Variants in SLC25A18 observed in about 807,000 individuals in gnomAD.
SLC25A18 encodes mitochondrial glutamate carrier 2.
SLC25A18 carries 24 observed loss-of-function variants against 31.1 expected under a neutral mutation model. The observed-to-expected ratio is 0.77, with a 90% confidence interval of 0.56 to 1.08. The LOEUF (loss-of-function observed/expected upper bound fraction) is 1.08. Ranked by LOEUF, SLC25A18 falls within the 50% of genes least tolerant of loss-of-function variation. SLC25A18 has a pLI of 0.00. For missense variants in SLC25A18, 371 were observed against 418.5 expected (o/e 0.89, Z 0.99); for synonymous variants, 173 against 161.9 (o/e 1.07, Z -0.52).
In SLC25A18 at chr22:17,588,038, T is replaced by C; in HGVS notation, c.689T>C (p.Val230Ala). The C allele has an allele frequency of 6.2e-7, 1 of 1,614,204 alleles. No individual in the cohort carries two copies. The change falls in exon 9 of 11, where the codon GTG (valine) becomes GCG (alanine). Residue 230 changes from valine (V) to alanine (A), a missense_variant. Coordinates refer to ENST00000327451, the MANE Select transcript of SLC25A18 (RefSeq NM_031481.3). The stretch of plus-strand genomic sequence containing the variant: ...GCACATTCCTTCGTGTCAGGCTGTG[T>C]GGCAGGTTCCATAGCTGCGGTCGCA... ...SFAHSFVSGC[V>A]AGSIAAVAVT...
At chr22:17,564,095 C>A (rs1324954064) in intron 1 of SLC25A18, among the ~76,000 whole-genome samples, 2 of 152,164 alleles carry the variant, frequency 1.3e-5, no homozygotes, top group Admixed American at 1.3e-4. Flanking sequence ...TTTGCCCTGG[C>A]TCCACTCTAA....
intron 2 of SLC25A18, among the ~76,000 whole-genome samples, chr22:17,574,510 CT>C (rs57351438): frequency 5.2e-4 from 74 of 141,898 alleles, no homozygotes; most frequent in Non-Finnish European, 5.8e-4. Context: ...CTTCCTTATT[CT>C]TTTTTTTTTT....
At chr22:17,569,530 TG>T in intron 1 of SLC25A18, 1 of 816,000 alleles carries the variant, frequency 1.2e-6, no homozygotes, top group Non-Finnish European at 1.5e-6. Context: ...GATTTGCTTC[TG>T]GCACCAAATG....
At chr22:17,581,013 C>T (rs1447176440) in intron 3 of SLC25A18, 24 bp from the exon 4 acceptor site, 3 of 1,532,020 alleles carry the variant, frequency 2.0e-6, no homozygotes, top group Non-Finnish European at 1.8e-6. Flanking sequence ...CCTCTCTCCT[C>T]CCCCTGTCCT....
intron 2 of SLC25A18, among the ~76,000 whole-genome samples, chr22:17,574,386 C>T (rs1179021293): frequency 2.0e-5 from 3 of 152,248 alleles, no homozygotes; most frequent in Non-Finnish European, 4.4e-5. Context: ...AGGCTCCCCA[C>T]GTGTGGCCTA....
At chr22:17,589,761 G>C in intron 10 of SLC25A18, 96 bp downstream of exon 10, 1 of 1,181,752 alleles carries the variant, frequency 8.5e-7, no homozygotes, top group Non-Finnish European at 1.2e-6. Context: ...GAATTGCTGG[G>C]CTCTGGGTTT....
chr22:17,581,494 C>A, intron 5 of SLC25A18, 81 bp downstream of exon 5: 1 of 1,512,230 alleles, frequency 6.6e-7, no homozygotes, highest in Non-Finnish European at 9.1e-7. Flanking sequence ...CCTTCCGTTG[C>A]TGCGGGGATG....
chr22:17,563,932 A>G (rs530229120), intron 1 of SLC25A18, among the ~76,000 whole-genome samples: 1 of 152,310 alleles, frequency 6.6e-6, no homozygotes, highest in African/African-American at 2.4e-5. Flanking sequence ...CCTCCCTGCC[A>G]TGCAATCGTA....
intron 7 of SLC25A18, among the ~76,000 whole-genome samples, chr22:17,584,356 G>A (rs1477714643): frequency 6.7e-6 from 1 of 148,980 alleles, no homozygotes; most frequent in African/African-American, 2.5e-5. Flanking sequence ...TTGCGCCACT[G>A]CACTCCAGCC....
At chr22:17,572,637 ATTTTTTTTTTTT>A (rs1274237439) in intron 2 of SLC25A18, among the ~76,000 whole-genome samples, 1 of 108,798 alleles carries the variant, frequency 9.2e-6, no homozygotes, top group Non-Finnish European at 1.8e-5. Flanking sequence ...CTACAAATAA[ATTTTTTTTTTTT>A]TTTTTTTTTT....
In SLC25A18 at chr22:17,579,824, T is replaced by C; in HGVS notation, c.-121T>C. The stretch of plus-strand genomic sequence containing the variant: ...CAGGCTGCACTCAAAACCCGTGCTC[T>C]GTCCACACTGCTACGGGGCCAGAGC... On this transcript the variant is annotated 5_prime_UTR_variant, in exon 3 of 11. Coordinates refer to ENST00000327451, the MANE Select transcript of SLC25A18 (RefSeq NM_031481.3). 1 of 1,473,068 alleles carries C rather than the reference T, an allele frequency of 6.8e-7. No individual in the cohort carries two copies. The highest frequency in any genetic ancestry group is 9.0e-7 in the Non-Finnish European group (1 of 1,106,540). The allele number at this position is 1,473,068 out of a possible 1,614,324, so 91.2% of individuals were successfully genotyped here. A position where few individuals can be genotyped will look rare whatever the true frequency, so the allele number is the denominator to read the frequency against.
At chr22:17,570,132 A>ACTTCCTCGTGCCCAC in intron 2 of SLC25A18, 146 bp downstream of exon 2, 3 of 480,612 alleles carry the variant, frequency 6.2e-6, no homozygotes, top group Non-Finnish European at 2.7e-6. Context: ...AGGGGTGGGC[A>ACTTCCTCGTGCCCAC]CGAGGAAGTG....
rs746316095 is a variant in SLC25A18 at position 17,587,275 on chromosome 22, C to T, written c.549C>T (p.Tyr183=). 3 of 1,613,570 alleles carry T rather than the reference C, an allele frequency of 1.9e-6. No individual in the cohort carries two copies. The highest frequency in any genetic ancestry group is 3.3e-5 in the Admixed American group (2 of 60,008). ...GCACTCAGGGCCTGGCTGGGCTCTACAGGGGCCTGGGTGCCACTCTCCTCA... is the reference window on the plus strand; with the variant it reads ...GCACTCAGGGCCTGGCTGGGCTCTATAGGGGCCTGGGTGCCACTCTCCTCA... The part of the protein sequence containing the change: ...LLRTQGLAGL[Y]RGLGATLLRD... The change falls in exon 8 of 11, where the codon TAC becomes TAT. Residue 183 remains tyrosine (Y), a synonymous_variant. Transcript: ENST00000327451.
chr22:17,582,338 T>C (rs2057402309), intron 5 of SLC25A18: 2 of 366,462 alleles, frequency 5.5e-6, no homozygotes, highest in Non-Finnish European at 9.9e-6. Context: ...ATCGCGCCAC[T>C]GCACTCCAGC....
intron 7 of SLC25A18, chr22:17,583,992 C>A: frequency 1.1e-6 from 1 of 902,956 alleles, no homozygotes; most frequent in Non-Finnish European, 1.3e-6. Context: ...TCAATGCTGC[C>A]AGCTCTAGAA....
At chr22:17,567,681 C>T (rs1335946359) in intron 1 of SLC25A18, among the ~76,000 whole-genome samples, 5 of 42,800 alleles carry the variant, frequency 1.2e-4, no homozygotes, top group African/African-American at 6.9e-4. Flanking sequence ...ATTCCATCAA[C>T]ATCTTTGCCT....
At chr22:17,564,355 CCTT>C (rs1257481392) in intron 1 of SLC25A18, among the ~76,000 whole-genome samples, 1 of 152,130 alleles carries the variant, frequency 6.6e-6, no homozygotes, top group Admixed American at 6.5e-5. Context: ...CCGCCTAAGA[CCTT>C]AAACTGAAGA....
chr22:17,582,632 G>T lies in SLC25A18; in HGVS notation c.269G>T (p.Arg90Leu), dbSNP rs763263073. 3 of 1,603,976 alleles carry T rather than the reference G, an allele frequency of 1.9e-6. No homozygotes were observed. The highest frequency in any genetic ancestry group is 1.1e-5 in the South Asian group (1 of 89,054). Residue 90 changes from arginine (R) to leucine (L), a missense_variant, in exon 6 of 11, where the codon CGG becomes CTG. Physicochemically the swap from Arg to Leu is moderately radical, Grantham distance 102. Transcript: ENST00000327451. ...AAGCTGGCGGCCAACGACTTTTTCC[G>T]GCGGCTGCTCATGGAAGATGGGTAT... ...AIKLAANDFF[R>L]RLLMEDGMQR...
chr22:17,584,906 A>G (rs1382875668), intron 7 of SLC25A18, among the ~76,000 whole-genome samples: 1 of 151,678 alleles, frequency 6.6e-6, no homozygotes, highest in Non-Finnish European at 1.5e-5. Flanking sequence ...GAAGAGAATC[A>G]TTCCCATTCT....
Sources: gnomAD v4.1 joint callset for allele counts (sites outside exome capture counted in the v4.1 genomes callset) on GRCh38, gnomAD v4.1.1 for gene constraint, MANE v1.5 for transcripts, NCBI Gene and HGNC (gene_info 2026-07-23, HGNC 2026-07-21) for gene names.